NTM: variants seen among roughly 807,000 people sequenced by gnomAD.
NTM encodes the protein IgLON family member 2.
In NTM, 13 loss-of-function variants were observed where a neutral mutation model predicts 42.1. That is an observed-to-expected ratio of 0.31 (90% confidence interval 0.20 to 0.49). The LOEUF is 0.49. NTM is among the 20% of genes least tolerant of loss of function. The probability of loss-of-function intolerance (pLI) is 0.99; values close to 1 mark genes in which losing one functional copy is unlikely to be tolerated. For missense variants in NTM, 373 were observed against 452.8 expected (o/e 0.82, Z 1.60); for synonymous variants, 187 against 179.2 (o/e 1.04, Z -0.35).
intron 2 of NTM, among the ~76,000 whole-genome samples, chr11:131,919,128 T>TC (rs397784231): frequency 6.7e-6 from 1 of 150,010 alleles, no homozygotes; most frequent in Non-Finnish European, 1.5e-5. Context: ...TTTTTTTTTT[T>TC]AAATTAGTAA....
At chr11:131,659,020 T>G (rs1351307903) in intron 1 of NTM, among the ~76,000 whole-genome samples, 1 of 152,168 alleles carries the variant, frequency 6.6e-6, no homozygotes, top group African/African-American at 2.4e-5. Context: ...AGAGCATCCC[T>G]GTGCAATAGA....
chr11:132,320,893 G>A (rs1359430341), intron 7 of NTM, among the ~76,000 whole-genome samples: 1 of 151,598 alleles, frequency 6.6e-6, no homozygotes, highest in East Asian at 1.9e-4. Context: ...GCCTAACTGG[G>A]AGGCACCCCC....
chr11:132,300,318 T>G (rs2094797576), intron 4 of NTM, among the ~76,000 whole-genome samples: 2 of 152,246 alleles, frequency 1.3e-5, no homozygotes, highest in Non-Finnish European at 2.9e-5. Flanking sequence ...ATATGCTAAG[T>G]ACTTTACTCA....
chr11:131,728,837 A>G (rs1367569549), intron 1 of NTM, among the ~76,000 whole-genome samples: 1 of 152,154 alleles, frequency 6.6e-6, no homozygotes, highest in Non-Finnish European at 1.5e-5. Context: ...AAGTCCCTAT[A>G]CTGAAGCTAC....
intron 1 of NTM, among the ~76,000 whole-genome samples, chr11:131,494,211 A>T (rs893380518): frequency 2.6e-5 from 4 of 152,168 alleles, no homozygotes; most frequent in African/African-American, 9.7e-5. Context: ...TTTTCCAATA[A>T]AACTTTGAGC....
At chr11:131,396,653 G>A (rs538595164) in intron 1 of NTM, among the ~76,000 whole-genome samples, 1 of 152,130 alleles carries the variant, frequency 6.6e-6, no homozygotes, top group Admixed American at 6.5e-5. Context: ...GGCTAAGATG[G>A]TGAAACCCTG....
intron 1 of NTM, among the ~76,000 whole-genome samples, chr11:131,718,179 A>T (rs138422909): frequency 4.0e-4 from 61 of 152,210 alleles, no homozygotes; most frequent in Non-Finnish European, 7.4e-4. Context: ...AGTTTTTCAT[A>T]ATGTCTTTTT....
chr11:132,325,667 G>A (rs1157857420), intron 7 of NTM, among the ~76,000 whole-genome samples: 1 of 152,060 alleles, frequency 6.6e-6, no homozygotes, highest in South Asian at 2.1e-4. Flanking sequence ...CCATTACTGG[G>A]TATATACCCA....
chr11:131,804,459 G>T (rs1428360905), intron 1 of NTM, among the ~76,000 whole-genome samples: 1 of 152,010 alleles, frequency 6.6e-6, no homozygotes. Context: ...TGCCATAAAG[G>T]GCAAGAGTAG....
chr11:131,764,224 G>T (rs1370232916), intron 1 of NTM, among the ~76,000 whole-genome samples: 1 of 152,106 alleles, frequency 6.6e-6, no homozygotes, highest in Non-Finnish European at 1.5e-5. Context: ...TGGTTAATTA[G>T]CTATATAACA....
chr11:131,388,804 G>T (rs1943641693), intron 1 of NTM, among the ~76,000 whole-genome samples: 1 of 151,566 alleles, frequency 6.6e-6, no homozygotes, highest in South Asian at 2.1e-4. Context: ...TTGAGGTCAG[G>T]AGTTTGAGAC....
chr11:131,723,750 G>A (rs1303947754), intron 1 of NTM, among the ~76,000 whole-genome samples: 1 of 152,004 alleles, frequency 6.6e-6, no homozygotes, highest in Non-Finnish European at 1.5e-5. Flanking sequence ...CATCTTGTTT[G>A]CCCTCCCCTA....
chr11:131,689,304 C>T (rs114840055), intron 1 of NTM, among the ~76,000 whole-genome samples: 1,674 of 152,290 alleles, frequency 0.011, 34 homozygotes, highest in African/African-American at 0.037. Context: ...GCCTCCCCAC[C>T]CAGTATTGCC....
intron 1 of NTM, among the ~76,000 whole-genome samples, chr11:131,677,311 C>A (rs897386074): frequency 1.3e-5 from 2 of 152,196 alleles, no homozygotes; most frequent in Non-Finnish European, 2.9e-5. Context: ...GCAGTGAGGA[C>A]CTTTCGTGGC....
intron 3 of NTM, among the ~76,000 whole-genome samples, chr11:132,191,494 A>T (rs887946388): frequency 8.5e-5 from 13 of 152,220 alleles, no homozygotes; most frequent in African/African-American, 3.1e-4. Flanking sequence ...CAAGCCCTCA[A>T]GGGCTGTAAA....
intron 1 of NTM, among the ~76,000 whole-genome samples, chr11:131,484,299 G>GT (rs1209083262): frequency 1.3e-5 from 2 of 152,246 alleles, no homozygotes; most frequent in East Asian, 1.9e-4. Flanking sequence ...CTAAAGAAAG[G>GT]TTTTTTTCAA....
chr11:132,199,900 A>G (rs761249548), intron 3 of NTM, among the ~76,000 whole-genome samples: 3 of 151,964 alleles, frequency 2.0e-5, no homozygotes, highest in Non-Finnish European at 4.4e-5. Context: ...TCTAATAAAG[A>G]CATTCGGTAT....
At chr11:132,046,724 C>G (rs2078053926) in intron 2 of NTM, among the ~76,000 whole-genome samples, 1 of 152,104 alleles carries the variant, frequency 6.6e-6, no homozygotes, top group Non-Finnish European at 1.5e-5. Flanking sequence ...AGGATGGATA[C>G]AAGGCACTCT....
chr11:132,017,435 G>A (rs1316302302), intron 2 of NTM, among the ~76,000 whole-genome samples: 2 of 151,872 alleles, frequency 1.3e-5, no homozygotes, highest in African/African-American at 4.8e-5. Context: ...AAATTCAGTT[G>A]ACCGTAAATG....
Sources: gnomAD v4.1 joint callset for allele counts (sites outside exome capture counted in the v4.1 genomes callset) on GRCh38, gnomAD v4.1.1 for gene constraint, MANE v1.5 for transcripts, NCBI Gene and HGNC (gene_info 2026-07-23, HGNC 2026-07-21) for gene names.